Variants in BAG2 observed in about 807,000 individuals in gnomAD.
BAG2 encodes BAG family molecular chaperone regulator 2.
In BAG2, 8 loss-of-function variants were observed where a neutral mutation model predicts 16.4. The ratio of observed to expected loss-of-function variants is 0.49; its 90% CI spans 0.29 to 0.88. The LOEUF (loss-of-function observed/expected upper bound fraction) is 0.88, where lower values mean the gene tolerates loss of function less well. Among genes scored for constraint, BAG2 ranks in the 40% least tolerant of loss-of-function variants. BAG2 has a pLI of 0.09. For missense variants in BAG2, 218 were observed against 248.9 expected (o/e 0.88, Z 0.84); for synonymous variants, 82 against 89.2 (o/e 0.92, Z 0.46).
At chr6:57,174,828 AAT>A (rs1764232172) in intron 1 of BAG2, among the ~76,000 whole-genome samples, 1 of 152,204 alleles carries the variant, frequency 6.6e-6, no homozygotes, top group Non-Finnish European at 1.5e-5. Context: ...ATTTTGCTCT[AAT>A]AGTTTGATTT....
intron 1 of BAG2, 40 bp from the exon 2 acceptor site, chr6:57,181,992 C>A: frequency 6.5e-7 from 1 of 1,542,436 alleles, no homozygotes; most frequent in Non-Finnish European, 8.9e-7. Context: ...GGAAGAACAT[C>A]CTGCATACAA....
At position 57,179,143 on chromosome 6, in the gene BAG2, C is replaced by T. The variant is rs75906911; in HGVS notation, c.114-2889C>T. Among the ~76,000 whole-genome samples, 42 of 152,282 alleles carry T rather than the reference C, an allele frequency of 2.8e-4. 1 individual carries two copies. The East Asian group carries it at 8.1e-3, about 29-fold the overall frequency. On this transcript the variant is annotated intron_variant, in intron 1 of 2. Coordinates refer to ENST00000370693, the MANE Select transcript of BAG2 (RefSeq NM_004282.4). ...TGCTTTTAGCATAAATATTTAGTGC[C>T]AACTCCGTCTCTTTCCTATGTTCTG... is the stretch of plus-strand genomic sequence containing the variant.
intron 1 of BAG2, chr6:57,174,183 C>G (rs1179030670): frequency 2.8e-6 from 3 of 1,085,742 alleles, no homozygotes; most frequent in Non-Finnish European, 3.4e-6. Context: ...GTCCCTCTAA[C>G]TGGTAATGTT....
Position 57,172,596 on chromosome 6 carries a change from G to T in BAG2, c.-102G>T. 1.0e-6 allele frequency: 1 copy of T among 995,940 alleles called. No individual in the cohort carries two copies. The highest frequency in any genetic ancestry group is 1.4e-6 in the Non-Finnish European group (1 of 731,122). The allele number at this position is 995,940 out of a possible 1,614,324, so 61.7% of individuals were successfully genotyped here. On this transcript the variant is annotated 5_prime_UTR_variant, in exon 1 of 3. Transcript: ENST00000370693. ...CCCGCGGGCGTCAGAGGGAGGGCGG[G>T]CGCCCGCGTGGTGACGGCGACGCCT...
Position 57,172,436 on chromosome 6 carries a change from T to G in BAG2, c.-262T>G. ...CCCTGTCGGCCCATCCTCGAGCCCG[T>G]GTGGCTCGCGAACCTCTAACTCCAG... On this transcript the variant is annotated 5_prime_UTR_variant, in exon 1 of 3. Coordinates refer to ENST00000370693, the MANE Select transcript of BAG2 (RefSeq NM_004282.4). 1 of 277,920 alleles carries G rather than the reference T, an allele frequency of 3.6e-6. No individual in the cohort carries two copies. Among genetic ancestry groups the G allele is most frequent in the Non-Finnish European group, 6.7e-6 (1 of 148,560 alleles). The allele number at this position is 277,920 out of a possible 1,614,324, so 17.2% of individuals were successfully genotyped here.
chr6:57,189,484 TC>T lies in BAG2; in HGVS notation c.*5296del, dbSNP rs1764748236. 6.6e-6 allele frequency: 1 copy of T among 152,226 alleles called. No homozygotes were observed. The allele number at this position is 152,226 out of a possible 1,614,324, so 9.4% of individuals were successfully genotyped here. A position where few individuals can be genotyped will look rare whatever the true frequency, so the allele number is the denominator to read the frequency against. Reference sequence around the variant, plus strand: ...ATGCATCACCACACTTCACAGGACCTCCTGAATGACTGCAGATGTGCTGTGT... The same window carrying T: ...ATGCATCACCACACTTCACAGGACCTCTGAATGACTGCAGATGTGCTGTGT... On this transcript the variant is annotated 3_prime_UTR_variant, in exon 3 of 3. Coordinates refer to ENST00000370693, the MANE Select transcript of BAG2 (RefSeq NM_004282.4).
At chr6:57,176,525 G>T (rs1764289679) in intron 1 of BAG2, among the ~76,000 whole-genome samples, 1 of 152,190 alleles carries the variant, frequency 6.6e-6, no homozygotes, top group Non-Finnish European at 1.5e-5. Context: ...AGATGTTTGG[G>T]GGATGGGTTT....
At chr6:57,177,068 T>C (rs967064222) in intron 1 of BAG2, among the ~76,000 whole-genome samples, 1 of 152,238 alleles carries the variant, frequency 6.6e-6, no homozygotes, top group African/African-American at 2.4e-5. Context: ...GTGATCATTA[T>C]AGCATTCTTT....
At chr6:57,174,135 A>T in intron 1 of BAG2, 2 of 980,074 alleles carry the variant, frequency 2.0e-6, no homozygotes, top group Non-Finnish European at 1.3e-6. Context: ...CAGAAAAAGT[A>T]GAGCGAAAGT....
intron 1 of BAG2, among the ~76,000 whole-genome samples, chr6:57,180,159 A>G (rs1394270535): frequency 6.6e-6 from 1 of 152,206 alleles, no homozygotes; most frequent in Non-Finnish European, 1.5e-5. Context: ...AGAAAATACA[A>G]ATTCACAATA....
chr6:57,183,069 G>C (rs576581183), intron 2 of BAG2, among the ~76,000 whole-genome samples: 1 of 152,164 alleles, frequency 6.6e-6, no homozygotes, highest in Admixed American at 6.5e-5. Context: ...CATGGTACTG[G>C]GCCAAGTGGC....
intron 1 of BAG2, among the ~76,000 whole-genome samples, chr6:57,176,474 T>C (rs938825418): frequency 1.3e-5 from 2 of 152,200 alleles, no homozygotes; most frequent in Non-Finnish European, 2.9e-5. Flanking sequence ...CACTATGTGT[T>C]AGGTATTGGG....
At chr6:57,173,357 G>T in intron 1 of BAG2, 1 of 985,372 alleles carries the variant, frequency 1.0e-6, no homozygotes, top group Non-Finnish European at 1.2e-6. Flanking sequence ...ACAGGAGTGA[G>T]GGGTAGGCAG....
chr6:57,172,951 T>C lies in BAG2; in HGVS notation c.113+141T>C, dbSNP rs559327956. The C allele has an allele frequency of 1.7e-4, 128 of 755,590 alleles. 1 individual carries two copies. In the African/African-American group the frequency reaches 2.1e-3, roughly 13 times the overall value. The allele number at this position is 755,590 out of a possible 1,614,324, so 46.8% of individuals were successfully genotyped here. A position where few individuals can be genotyped will look rare whatever the true frequency, so the allele number is the denominator to read the frequency against. On this transcript the variant is annotated intron_variant, in intron 1 of 2. Transcript: ENST00000370693. ...GGCAACCGAAGTTGCTTGTTGAGAT[T>C]TGTTGTGGATGGACGTGGTGTAGTT...
chr6:57,174,140 G>A, intron 1 of BAG2: 1 of 1,005,130 alleles, frequency 9.9e-7, no homozygotes, highest in South Asian at 3.0e-5. Context: ...AAAGTAGAGC[G>A]AAAGTAGAAA....
chr6:57,179,647 G>T (rs1210857938), intron 1 of BAG2, among the ~76,000 whole-genome samples: 1 of 152,164 alleles, frequency 6.6e-6, no homozygotes, highest in East Asian at 1.9e-4. Context: ...TTTTGCAAAA[G>T]TTGGCATCTT....
chr6:57,184,316 G>A lies in BAG2; in HGVS notation c.*126G>A. ...TGACACTGATAGTTGTTTCAGATGA[G>A]GAAAATATTCCATCAAGTATCTTCA... is the stretch of plus-strand genomic sequence containing the variant. On this transcript the variant is annotated 3_prime_UTR_variant, in exon 3 of 3. Coordinates refer to ENST00000370693, the MANE Select transcript of BAG2 (RefSeq NM_004282.4). 2 of 848,296 alleles carry A rather than the reference G, an allele frequency of 2.4e-6. No individual in the cohort carries two copies. Among genetic ancestry groups the A allele is most frequent in the South Asian group, 4.0e-5 (1 of 25,286 alleles). The allele number at this position is 848,296 out of a possible 1,614,324, so 52.5% of individuals were successfully genotyped here. A position where few individuals can be genotyped will look rare whatever the true frequency, so the allele number is the denominator to read the frequency against.
chr6:57,182,134 C>T lies in BAG2; in HGVS notation c.216C>T (p.Ile72=), dbSNP rs767979775. 1 of 1,613,730 alleles carries T rather than the reference C, an allele frequency of 6.2e-7. No individual in the cohort carries two copies. Among genetic ancestry groups the T allele is most frequent in the Non-Finnish European group, 8.5e-7 (1 of 1,179,750 alleles). The change falls in exon 2 of 3, where the codon ATC becomes ATT. Residue 72 remains isoleucine, a synonymous_variant. Transcript: ENST00000370693. ...AAAATAGCCAGGACATGAGGCAGAT[C>T]AGTGACGGTGAGAGCCATCTCCACA... The part of the protein sequence containing the change: ...SIQNSQDMRQ[I]SDGEREELNL...
Position 57,184,937 on chromosome 6 carries a change from A to G in BAG2, c.*747A>G, listed in dbSNP as rs1362238343. On this transcript the variant is annotated 3_prime_UTR_variant, in exon 3 of 3. Transcript: ENST00000370693. ...TAAAGTCTGCTTAATTGTCAACTTA[A>G]TGAGCTCTATTTTGTGTAGTTATAT... The G allele has an allele frequency of 1.3e-5, 2 of 152,274 alleles. No homozygotes were observed. The highest frequency in any genetic ancestry group is 2.4e-5 in the African/African-American group (1 of 41,448). 9.4% of individuals were successfully genotyped at this position (152,274 alleles called of 1,614,324 possible). A position where few individuals can be genotyped will look rare whatever the true frequency, so the allele number is the denominator to read the frequency against.
Sources: gnomAD v4.1 joint callset for allele counts (sites outside exome capture counted in the v4.1 genomes callset) on GRCh38, gnomAD v4.1.1 for gene constraint, MANE v1.5 for transcripts, NCBI Gene and HGNC (gene_info 2026-07-23, HGNC 2026-07-21) for gene names.